The following MTHFD1 variants were observed in gnomAD, a reference collection of about 807,000 sequenced individuals.
The protein encoded by MTHFD1 is C-1-tetrahydrofolate synthase, cytoplasmic.
A neutral mutation model predicts 110.3 loss-of-function variants in MTHFD1; 44 were observed. The ratio of observed to expected loss-of-function variants is 0.40; its 90% CI spans 0.31 to 0.51. MTHFD1 has a LOEUF of 0.51. MTHFD1 is among the 20% of genes least tolerant of loss of function. The pLI, the probability that MTHFD1 is intolerant of heterozygous loss-of-function variation, is 0.60. For synonymous variants in MTHFD1, 402 were observed against 428.8 expected (o/e 0.94, Z 0.77); for missense variants, 909 against 1,173.1 (o/e 0.77, Z 3.29).
intron 27 of MTHFD1, among the ~76,000 whole-genome samples, chr14:64,459,152 G>T (rs992190814): frequency 2.0e-5 from 3 of 152,174 alleles, no homozygotes; most frequent in Non-Finnish European, 4.4e-5. Context: ...GATATTTTCA[G>T]ACGTGCAAGG....
intron 2 of MTHFD1, among the ~76,000 whole-genome samples, chr14:64,401,713 A>G (rs1032994234): frequency 6.6e-6 from 1 of 151,984 alleles, no homozygotes; most frequent in East Asian, 1.9e-4. Context: ...AAAAAAAAAA[A>G]AGAGAAATTA....
At chr14:64,402,970 A>T (rs575503860) in intron 2 of MTHFD1, among the ~76,000 whole-genome samples, 34 of 152,112 alleles carry the variant, frequency 2.2e-4, no homozygotes, top group Non-Finnish European at 3.4e-4. Context: ...TTATATATAT[A>T]TATTTTTTAC....
chr14:64,442,031 T>C lies in MTHFD1; in HGVS notation c.1885-23T>C, dbSNP rs747632609. On this transcript the variant is annotated intron_variant, in intron 19 of 27. Coordinates refer to ENST00000652337, the MANE Select transcript of MTHFD1 (RefSeq NM_005956.4). ...TTTGAAGCAGGATTGGCAGCTCAGC[T>C]CACGGTGTCCTGGTTTCCACAGGGC... is the stretch of plus-strand genomic sequence containing the variant. 5.8e-6 allele frequency: 9 copies of C among 1,539,740 alleles called. No individual in the cohort carries two copies. The East Asian group carries it at 2.0e-4, about 35-fold the overall frequency.
chr14:64,409,195 C>T (rs1359149621), intron 2 of MTHFD1, among the ~76,000 whole-genome samples: 1 of 152,176 alleles, frequency 6.6e-6, no homozygotes, highest in East Asian at 1.9e-4. Flanking sequence ...ACATTAGATG[C>T]CAAAGACAAC....
chr14:64,449,159 G>A, intron 23 of MTHFD1: 1 of 458,826 alleles, frequency 2.2e-6, no homozygotes, highest in Admixed American at 3.4e-5. Flanking sequence ...AATTTTCCAA[G>A]TATTTTACAT....
chr14:64,430,358 G>A, intron 13 of MTHFD1, 128 bp downstream of exon 13: 1 of 868,368 alleles, frequency 1.2e-6, no homozygotes, highest in Non-Finnish European at 1.9e-6. Flanking sequence ...GAGTGCAATG[G>A]CGCAATCTCG....
chr14:64,423,485 CCCGGGT>C (rs1242809848), intron 8 of MTHFD1, among the ~76,000 whole-genome samples: 4 of 151,932 alleles, frequency 2.6e-5, no homozygotes, highest in Non-Finnish European at 5.9e-5. Context: ...GCCTCCGCCT[CCCGGGT>C]TCAAGTGAGT....
At chr14:64,434,821 GTTTT>G (rs34280342) in intron 15 of MTHFD1, among the ~76,000 whole-genome samples, 1 of 129,002 alleles carries the variant, frequency 7.8e-6, no homozygotes. Context: ...GATGAATTCT[GTTTT>G]TTTTTTTTTT....
At chr14:64,410,193 C>G (rs2077971203) in intron 2 of MTHFD1, among the ~76,000 whole-genome samples, 2 of 152,110 alleles carry the variant, frequency 1.3e-5, no homozygotes, top group Admixed American at 1.3e-4. Context: ...GATTTAGCCT[C>G]TGCACTACAA....
intron 1 of MTHFD1, among the ~76,000 whole-genome samples, chr14:64,399,480 G>C (rs1315864920): frequency 2.6e-5 from 4 of 152,060 alleles, no homozygotes; most frequent in Admixed American, 2.6e-4. Flanking sequence ...CCAACATGGT[G>C]AAACCCCATC....
At chr14:64,437,051 A>G (rs1482211102) in intron 16 of MTHFD1, among the ~76,000 whole-genome samples, 1 of 152,188 alleles carries the variant, frequency 6.6e-6, no homozygotes, top group Non-Finnish European at 1.5e-5. Context: ...AAATTATGAC[A>G]GTCTTTATGG....
Position 64,425,575 on chromosome 14 carries a change from G to A in MTHFD1, c.856-155G>A, listed in dbSNP as rs117811881. On this transcript the variant is annotated intron_variant, in intron 9 of 27. Transcript: ENST00000652337. ...GGCGAGCAGCCCCAAAGCATGTTAG[G>A]TGCCTCTTGACTCTTAGCTAGGATT... Among the ~76,000 whole-genome samples, 11 of 152,230 alleles carry A rather than the reference G, an allele frequency of 7.2e-5. No individual in the cohort carries two copies. The East Asian group carries it at 1.9e-3, about 27-fold the overall frequency.
At chr14:64,456,226 A>G (rs1202229722) in intron 26 of MTHFD1, among the ~76,000 whole-genome samples, 1 of 152,184 alleles carries the variant, frequency 6.6e-6, no homozygotes, top group Non-Finnish European at 1.5e-5. Flanking sequence ...AGACTTTCTC[A>G]TTTAGAACAA....
intron 24 of MTHFD1, among the ~76,000 whole-genome samples, 186 bp from the exon 25 acceptor site, chr14:64,453,568 T>C (rs1317545944): frequency 1.3e-5 from 2 of 152,104 alleles, no homozygotes; most frequent in Non-Finnish European, 2.9e-5. Flanking sequence ...AAACTCCGTC[T>C]CAAAAAAACA....
chr14:64,424,723 A>G, intron 8 of MTHFD1, 81 bp from the exon 9 acceptor site: 2 of 1,529,060 alleles, frequency 1.3e-6, no homozygotes, highest in Non-Finnish European at 1.8e-6. Flanking sequence ...ACACCCTACA[A>G]TTCTGCTGAG....
chr14:64,420,964 A>G (rs2078065046), intron 8 of MTHFD1, among the ~76,000 whole-genome samples: 1 of 152,174 alleles, frequency 6.6e-6, no homozygotes, highest in Non-Finnish European at 1.5e-5. Context: ...GTACGTCCTC[A>G]TAGATCCAAG....
chr14:64,405,738 C>T (rs1318879844), intron 2 of MTHFD1, among the ~76,000 whole-genome samples: 2 of 152,118 alleles, frequency 1.3e-5, no homozygotes, highest in African/African-American at 4.8e-5. Flanking sequence ...ATCTATATAC[C>T]TCCTGTCTGT....
intron 1 of MTHFD1, 149 bp downstream of exon 1, chr14:64,388,617 G>T: frequency 1.3e-6 from 1 of 765,884 alleles, no homozygotes; most frequent in Non-Finnish European, 2.3e-6. Flanking sequence ...CAAAGAAAGA[G>T]AACCCGGGCA....
intron 22 of MTHFD1, among the ~76,000 whole-genome samples, chr14:64,447,217 G>A (rs1198055983): frequency 7.2e-6 from 1 of 138,604 alleles, no homozygotes; most frequent in African/African-American, 2.7e-5. Flanking sequence ...GTGCAGTGGT[G>A]CAATTTCAAC....
Sources: allele counts gnomAD v4.1 joint callset (sites outside exome capture counted in the v4.1 genomes callset), GRCh38; gene constraint gnomAD v4.1.1; transcripts MANE v1.5; gene names NCBI Gene and HGNC (gene_info 2026-07-23, HGNC 2026-07-21).